Variants in TXNRD3 observed in about 807,000 individuals in gnomAD.
The protein encoded by TXNRD3 is thioredoxin reductase 3, also known as TXNRD3 neighbor gene protein.
A neutral mutation model predicts 78.2 loss-of-function variants in TXNRD3; 68 were observed. The ratio of observed to expected loss-of-function variants is 0.87; its 90% CI spans 0.72 to 1.06. TXNRD3 has a LOEUF of 1.06. Among genes scored for constraint, TXNRD3 ranks in the 50% least tolerant of loss-of-function variants. TXNRD3 has a pLI of 0.00. For synonymous variants in TXNRD3, 296 were observed against 300.1 expected (o/e 0.99, Z 0.14); for missense variants, 751 against 809.5 (o/e 0.93, Z 0.88).
intron 10 of TXNRD3, among the ~76,000 whole-genome samples, chr3:126,623,501 G>C (rs766261383): frequency 6.6e-6 from 1 of 152,124 alleles, no homozygotes; most frequent in African/African-American, 2.4e-5. Context: ...AATTGTTCGT[G>C]ATCAAGTGAG....
intron 12 of TXNRD3, among the ~76,000 whole-genome samples, chr3:126,619,343 G>A (rs1315409887): frequency 2.0e-5 from 3 of 152,138 alleles, no homozygotes; most frequent in Non-Finnish European, 2.9e-5. Flanking sequence ...TAAAGAAAAC[G>A]TAGTATATAA....
chr3:126,610,014 G>C (rs561495159), intron 14 of TXNRD3, among the ~76,000 whole-genome samples: 18 of 152,194 alleles, frequency 1.2e-4, no homozygotes, highest in Non-Finnish European at 2.5e-4. Flanking sequence ...GAGCACAGCT[G>C]TGAACCTGCC....
chr3:126,628,255 C>T lies in TXNRD3; in HGVS notation c.1290+1124G>A, dbSNP rs1036362568. On this transcript the variant is annotated intron_variant, in intron 10 of 15. Transcript: ENST00000524230. Reference sequence around the variant, plus strand: ...CAGAAAACATTGCTTTTTAGTGAAACGTCTTTTCTTTTGATATTGTAAATA... The same window carrying T: ...CAGAAAACATTGCTTTTTAGTGAAATGTCTTTTCTTTTGATATTGTAAATA... Among the ~76,000 whole-genome samples the T allele has an allele frequency of 5.3e-5, 8 of 152,034 alleles. 1 individual carries two copies. Among genetic ancestry groups the T allele is most frequent in the Admixed American group, 2.0e-4 (3 of 15,268 alleles).
chr3:126,635,106 G>A lies in TXNRD3; in HGVS notation c.713-1055C>T, dbSNP rs192104565. Among the ~76,000 whole-genome samples, 306 of 152,194 alleles carry A rather than the reference G, an allele frequency of 2.0e-3. 1 individual carries two copies. Among genetic ancestry groups the A allele is most frequent in the South Asian group, 3.5e-3 (17 of 4,826 alleles). ...CCGAACCTGTCCCAGCAGTGACCACGTCACCACAATGGCACATATCCTCAC... is the reference window on the plus strand; with the variant it reads ...CCGAACCTGTCCCAGCAGTGACCACATCACCACAATGGCACATATCCTCAC... On this transcript the variant is annotated intron_variant, in intron 6 of 15. Coordinates refer to ENST00000524230, the MANE Select transcript of TXNRD3 (RefSeq NM_052883.3).
At chr3:126,612,223 A>G (rs1938215087) in intron 13 of TXNRD3, among the ~76,000 whole-genome samples, 1 of 152,030 alleles carries the variant, frequency 6.6e-6, no homozygotes, top group South Asian at 2.1e-4. Flanking sequence ...TTTTCTGTAG[A>G]GATGGGGTGT....
chr3:126,630,287 A>G (rs1391139367), intron 9 of TXNRD3, among the ~76,000 whole-genome samples: 1 of 152,248 alleles, frequency 6.6e-6, no homozygotes, highest in Admixed American at 6.5e-5. Flanking sequence ...ACAGTCAGCT[A>G]AGCGTGAAAT....
At position 126,654,900 on chromosome 3, in the gene TXNRD3, A is replaced by C. The variant is rs976797854; in HGVS notation, c.91T>G (p.Leu31Val). The change falls in exon 1 of 16, where the codon TTG (leucine) becomes GTG (valine). Residue 31 changes from leucine (L) to valine (V), a missense_variant. By Grantham distance (32) the Leu-to-Val change is conservative. Transcript: ENST00000524230. ...CGGGCACGGCGCCCCGGCGGCGACA[A>C]CACGCGCGCCCCTCGGACATGGCCC... 2.4e-5 allele frequency: 31 copies of C among 1,315,870 alleles called. No homozygotes were observed. Among genetic ancestry groups the C allele is most frequent in the Admixed American group, 1.7e-4 (4 of 23,836 alleles). 81.5% of individuals were successfully genotyped at this position (1,315,870 alleles called of 1,614,324 possible). A position where few individuals can be genotyped will look rare whatever the true frequency, so the allele number is the denominator to read the frequency against.
In TXNRD3 at chr3:126,611,135, G is replaced by C; in HGVS notation, c.1633-3C>G. On this transcript the variant is annotated splice_region_variant and splice_polypyrimidine_tract_variant and intron_variant, in intron 13 of 15. Transcript: ENST00000524230. ...GGCCAGAACAAAGTATGATATATCTGGAAGATAAAAGAGAGAAAAAGGGCA... is the reference window on the plus strand; with the variant it reads ...GGCCAGAACAAAGTATGATATATCTCGAAGATAAAAGAGAGAAAAAGGGCA... The C allele has an allele frequency of 6.6e-7, 1 of 1,505,282 alleles. No individual in the cohort carries two copies. Among genetic ancestry groups the C allele is most frequent in the Non-Finnish European group, 8.8e-7 (1 of 1,130,062 alleles). 93.2% of individuals were successfully genotyped at this position (1,505,282 alleles called of 1,614,324 possible).
In TXNRD3 at chr3:126,630,771, C is replaced by T. The variant is rs552272034; in HGVS notation, c.1138G>A (p.Val380Met). The T allele has an allele frequency of 1.0e-4, 156 of 1,534,698 alleles. 1 individual carries two copies. The South Asian group carries it at 1.8e-3, about 17-fold the overall frequency. ...CCATGCTGCTCCATGTAGGAACCCA[C>T]TTTTTCTGCCATTTCTTGGTCGAAG... The change falls in exon 9 of 16, where the codon GTG becomes ATG. Residue 380 changes from valine (V) to methionine (M), a missense_variant. By Grantham distance (21) the Val-to-Met change is conservative (BLOSUM62 1). Coordinates refer to ENST00000524230, the MANE Select transcript of TXNRD3 (RefSeq NM_052883.3).
intron 2 of TXNRD3, among the ~76,000 whole-genome samples, chr3:126,646,937 T>C (rs769659574): frequency 2.0e-5 from 3 of 152,226 alleles, no homozygotes; most frequent in Non-Finnish European, 4.4e-5. Context: ...TGTTACAGCT[T>C]TATCTGTTCT....
intron 6 of TXNRD3, among the ~76,000 whole-genome samples, chr3:126,638,595 G>A (rs184504728): frequency 4.7e-4 from 71 of 152,212 alleles, no homozygotes; most frequent in African/African-American, 1.6e-3. Context: ...TCAGCCAGGC[G>A]TGGTGGTGTG....
intron 12 of TXNRD3, among the ~76,000 whole-genome samples, chr3:126,619,630 A>C (rs1211245376): frequency 6.6e-6 from 1 of 152,234 alleles, no homozygotes; most frequent in Non-Finnish European, 1.5e-5. Context: ...GGAGGAGTTA[A>C]GTCCTAGTGC....
Position 126,647,227 on chromosome 3 carries a change from T to A in TXNRD3, c.304+9A>T. The A allele has an allele frequency of 6.5e-7, 1 of 1,531,732 alleles. No individual in the cohort carries two copies. The highest frequency in any genetic ancestry group is 1.2e-5 in the South Asian group (1 of 83,680). The allele number at this position is 1,531,732 out of a possible 1,614,324, so 94.9% of individuals were successfully genotyped here. On this transcript the variant is annotated intron_variant, in intron 2 of 15. Transcript: ENST00000524230. ...ATAAACAACACTATGTTGTAACTGG[T>A]CTACTTACCAACTTGATCAAGTTCC...
chr3:126,643,886 T>C, intron 5 of TXNRD3, 95 bp downstream of exon 5: 1 of 1,205,728 alleles, frequency 8.3e-7, no homozygotes. Context: ...AGGCGAGTTA[T>C]ACCTCTTGAG....
intron 2 of TXNRD3, among the ~76,000 whole-genome samples, chr3:126,647,026 T>C (rs1933254935): frequency 6.6e-6 from 1 of 152,174 alleles, no homozygotes; most frequent in South Asian, 2.1e-4. Context: ...TCCCACTCCC[T>C]TCCCTCAAAT....
intron 6 of TXNRD3, among the ~76,000 whole-genome samples, chr3:126,641,032 C>G (rs1485868079): frequency 6.6e-6 from 1 of 152,224 alleles, no homozygotes; most frequent in African/African-American, 2.4e-5. Flanking sequence ...TCCAGGACAT[C>G]TGCCCAGCAA....
rs183140827 is a variant in TXNRD3, at chr3:126,642,109, T to G, written c.635A>C (p.Lys212Thr). ...CAAAAGGGCAGCCTGATGCATCAAT[T>G]TCTTAGGAATACAACCTACATTTAC... Residue 212 changes from lysine (K) to threonine (T), a missense_variant, in exon 6 of 16, where the codon AAA becomes ACA. Physicochemically the swap from Lys to Thr is moderately conservative, Grantham distance 78. Coordinates refer to ENST00000524230, the MANE Select transcript of TXNRD3 (RefSeq NM_052883.3). The G allele has an allele frequency of 1.0e-5, 16 of 1,536,216 alleles. No individual in the cohort carries two copies. The highest frequency in any genetic ancestry group is 1.4e-5 in the Non-Finnish European group (16 of 1,146,932).
chr3:126,635,609 A>C (rs1938839452), intron 6 of TXNRD3, among the ~76,000 whole-genome samples: 1 of 151,674 alleles, frequency 6.6e-6, no homozygotes, highest in South Asian at 2.1e-4. Flanking sequence ...CTCCAAAAAG[A>C]AAAAAAAAGT....
rs139717837 is a variant in TXNRD3 at position 126,625,616 on chromosome 3, C to T, written c.1291-3076G>A. 6.5e-4 allele frequency among the ~76,000 whole-genome samples: 99 copies of T among 152,074 alleles called. 4 individuals carry two copies. In the East Asian group the frequency reaches 0.016, roughly 24 times the overall value. On this transcript the variant is annotated intron_variant, in intron 10 of 15. Transcript: ENST00000524230. ...TGTGAATAGTGCTGCAATAAACATA[C>T]GTGTGCATGTGTCTTTATAGCAACA... is the stretch of plus-strand genomic sequence containing the variant.
Sources: allele counts gnomAD v4.1 joint callset (sites outside exome capture counted in the v4.1 genomes callset), GRCh38; gene constraint gnomAD v4.1.1; transcripts MANE v1.5; gene names NCBI Gene and HGNC (gene_info 2026-07-23, HGNC 2026-07-21).